Variants in CAST observed in about 807,000 individuals in gnomAD.
CAST encodes MIR583 host.
Under a neutral mutation model 119.6 loss-of-function variants are expected in CAST, and 76 were observed. The observed-to-expected ratio is 0.64, with a 90% confidence interval of 0.53 to 0.77. The LOEUF (loss-of-function observed/expected upper bound fraction) is 0.77. Among genes scored for constraint, CAST ranks in the 30% least tolerant of loss-of-function variants. The pLI, the probability that CAST is intolerant of heterozygous loss-of-function variation, is 0.00. For missense variants in CAST, 953 were observed against 946.5 expected (o/e 1.01, Z -0.09); for synonymous variants, 319 against 331.6 (o/e 0.96, Z 0.41).
At chr5:96,226,399 C>A in the CAST span, among the ~76,000 whole-genome samples, 1 of 152,056 alleles carries the variant, frequency 6.6e-6, no homozygotes, top group Non-Finnish European at 1.5e-5. Context: ...GCCTGTAATC[C>A]CAACACTTTG....
the CAST span, among the ~76,000 whole-genome samples, chr5:96,344,310 G>A: frequency 6.6e-6 from 1 of 152,172 alleles, no homozygotes; most frequent in South Asian, 2.1e-4. Flanking sequence ...ATTCAAATGT[G>A]TGGAATGAAT....
chr5:96,417,073 G>A, the CAST span, among the ~76,000 whole-genome samples: 1 of 152,196 alleles, frequency 6.6e-6, no homozygotes, highest in Non-Finnish European at 1.5e-5. Flanking sequence ...CCAACATAGA[G>A]TGAAAGAGAG....
At chr5:96,561,785 TG>T (rs1274975324) in intron 1 of CAST, among the ~76,000 whole-genome samples, 4 of 52,084 alleles carry the variant, frequency 7.7e-5, no homozygotes, top group South Asian at 1.1e-3. Context: ...ATTATATATA[TG>T]TTTTTTTTTG....
intron 3 of CAST, among the ~76,000 whole-genome samples, chr5:96,721,336 C>T (rs182950712): frequency 4.6e-5 from 7 of 152,140 alleles, no homozygotes; most frequent in Admixed American, 4.6e-4. Flanking sequence ...GATAGTTTAA[C>T]TACAAGCATC....
chr5:96,119,015 G>A, the CAST span, among the ~76,000 whole-genome samples: 8 of 152,054 alleles, frequency 5.3e-5, no homozygotes, highest in Non-Finnish European at 7.4e-5. Context: ...GGAAAATGTC[G>A]TTTTTAAATT....
chr5:96,734,481 A>C (rs1312831757), intron 9 of CAST, among the ~76,000 whole-genome samples: 1 of 152,212 alleles, frequency 6.6e-6, no homozygotes, highest in African/African-American at 2.4e-5. Flanking sequence ...TAGAATAAGA[A>C]AGTGGGGAGT....
At chr5:96,488,295 A>G in the CAST span, among the ~76,000 whole-genome samples, 6 of 152,162 alleles carry the variant, frequency 3.9e-5, no homozygotes, top group African/African-American at 9.7e-5. Flanking sequence ...TAGAACTCAC[A>G]TATTTCTTCC....
chr5:96,110,285 T>C, the CAST span, among the ~76,000 whole-genome samples: 1 of 152,334 alleles, frequency 6.6e-6, no homozygotes, highest in East Asian at 1.9e-4. Context: ...GATCTTACAG[T>C]TTAATTGTAT....
chr5:96,013,457 A>G, the CAST span, among the ~76,000 whole-genome samples: 1 of 152,054 alleles, frequency 6.6e-6, no homozygotes, highest in Middle Eastern at 3.2e-3. Context: ...GTACTCCATT[A>G]TATATCATAA....
the CAST span, among the ~76,000 whole-genome samples, chr5:96,493,399 G>A: frequency 1.3e-4 from 20 of 152,162 alleles, 1 homozygote; most frequent in Admixed American, 1.2e-3. Flanking sequence ...TAGTCCTACC[G>A]CCATCTTGCC....
chr5:96,215,742 A>G, the CAST span, among the ~76,000 whole-genome samples: 1 of 152,148 alleles, frequency 6.6e-6, no homozygotes, highest in African/African-American at 2.4e-5. Flanking sequence ...GATGAGGATG[A>G]AGACGTTTAT....
intron 1 of CAST, among the ~76,000 whole-genome samples, chr5:96,656,446 C>A (rs976567286): frequency 6.6e-6 from 1 of 152,210 alleles, no homozygotes; most frequent in African/African-American, 2.4e-5. Flanking sequence ...CGTAAGGAAG[C>A]TCAGCCCTCT....
chr5:96,563,225 C>A (rs1746412567), intron 1 of CAST, among the ~76,000 whole-genome samples: 1 of 152,152 alleles, frequency 6.6e-6, no homozygotes, highest in Non-Finnish European at 1.5e-5. Flanking sequence ...TTAGGTTTAA[C>A]TATTTCTTTG....
the CAST span, among the ~76,000 whole-genome samples, chr5:95,966,321 A>C: frequency 6.6e-6 from 1 of 152,138 alleles, no homozygotes; most frequent in African/African-American, 2.4e-5. Context: ...TTCTGAAAGG[A>C]ATCGCTTATC....
chr5:96,402,791 A>G, the CAST span, among the ~76,000 whole-genome samples: 1 of 152,100 alleles, frequency 6.6e-6, no homozygotes, highest in Non-Finnish European at 1.5e-5. Flanking sequence ...TGAGCTCCCG[A>G]CAAACATACC....
intron 1 of CAST, among the ~76,000 whole-genome samples, chr5:96,616,946 A>C (rs1329245610): frequency 1.3e-5 from 2 of 152,014 alleles, no homozygotes; most frequent in African/African-American, 4.8e-5. Flanking sequence ...AGGGCAGGGC[A>C]TGGTGCCCTG....
At chr5:96,292,210 G>A in the CAST span, among the ~76,000 whole-genome samples, 8 of 152,122 alleles carry the variant, frequency 5.3e-5, no homozygotes, top group Non-Finnish European at 1.0e-4. Flanking sequence ...GCTATCCAAA[G>A]GTCAGAGTAG....
the CAST span, among the ~76,000 whole-genome samples, chr5:96,340,240 C>T: frequency 8.5e-5 from 13 of 152,268 alleles, no homozygotes; most frequent in African/African-American, 2.4e-4. Flanking sequence ...ACATTTTCTG[C>T]GGGAGTCCAC....
chr5:96,094,209 C>T, the CAST span, among the ~76,000 whole-genome samples: 1 of 152,196 alleles, frequency 6.6e-6, no homozygotes, highest in Admixed American at 6.5e-5. Context: ...AAATTACTTA[C>T]CTAGAATGTT....
Sources: allele counts gnomAD v4.1 joint callset (sites outside exome capture counted in the v4.1 genomes callset), GRCh38; gene constraint gnomAD v4.1.1; transcripts MANE v1.5; gene names NCBI Gene and HGNC (gene_info 2026-07-23, HGNC 2026-07-21).